The following DOC2A variants were observed in gnomAD, a reference collection of about 807,000 sequenced individuals.
DOC2A encodes double C2-like domain-containing protein alpha.
In DOC2A, 28 loss-of-function variants were observed where a neutral mutation model predicts 40.6. The ratio of observed to expected loss-of-function variants is 0.69; its 90% CI spans 0.51 to 0.95. The LOEUF (loss-of-function observed/expected upper bound fraction) is 0.95. Ranked by LOEUF, DOC2A falls within the 40% of genes least tolerant of loss-of-function variation. DOC2A has a pLI of 0.00. For missense variants in DOC2A, 474 were observed against 552.5 expected (o/e 0.86, Z 1.42); for synonymous variants, 241 against 236.9 (o/e 1.02, Z -0.16).
chr16:30,020,163 C>A (rs1216795888), intron 1 of DOC2A, among the ~76,000 whole-genome samples: 2 of 152,144 alleles, frequency 1.3e-5, no homozygotes, highest in Admixed American at 1.3e-4. Context: ...CTTGCCTCGG[C>A]CTCCCAAAGT....
chr16:30,009,402 A>G lies in DOC2A; in HGVS notation c.342+76T>C, dbSNP rs2070711990. 1 of 1,506,344 alleles carries G rather than the reference A, an allele frequency of 6.6e-7. No individual in the cohort carries two copies. Among genetic ancestry groups the G allele is most frequent in the Non-Finnish European group, 9.0e-7 (1 of 1,107,326 alleles). The allele number at this position is 1,506,344 out of a possible 1,614,324, so 93.3% of individuals were successfully genotyped here. A position where few individuals can be genotyped will look rare whatever the true frequency, so the allele number is the denominator to read the frequency against. ...GGCAGGACGAAGGAGCAGGCCTGGG[A>G]AGGGAAGGAGGAATGGGCCCCCTCT... is the stretch of plus-strand genomic sequence containing the variant. On this transcript the variant is annotated intron_variant, in intron 3 of 10. Transcript: ENST00000350119. This position sits in a 1 kb window ranked among gnomAD's most constrained non-coding sequence, Gnocchi z 4.1.
intron 5 of DOC2A, 179 bp downstream of exon 5, chr16:30,008,817 T>G: frequency 3.3e-6 from 2 of 605,980 alleles, no homozygotes; most frequent in East Asian, 2.9e-5. Context: ...GCAGGAGATA[T>G]TGAGGGGCAG....
upstream of DOC2A, chr16:30,014,898 C>G (rs1262367167): frequency 6.6e-6 from 1 of 151,968 alleles, no homozygotes; most frequent in Non-Finnish European, 1.5e-5. Flanking sequence ...CCACTGCACT[C>G]CAGCCTGGGC....
upstream of DOC2A, among the ~76,000 whole-genome samples, chr16:30,016,054 T>TATATA (rs2070853598): frequency 1.1e-4 from 2 of 18,872 alleles, no homozygotes; most frequent in African/African-American, 3.2e-4. Flanking sequence ...TATATATATA[T>TATATA]ATTTTTTTTT....
In DOC2A at chr16:30,010,192, T is replaced by C; in HGVS notation, c.31A>G (p.Ile11Val). Residue 11 changes from isoleucine to valine, a missense_variant, in exon 2 of 11, where the codon ATC becomes GTC. Ile to Val is a conservative substitution (Grantham distance 29). Coordinates refer to ENST00000350119, the MANE Select transcript of DOC2A (RefSeq NM_003586.3). This position sits in a 1 kb window ranked among gnomAD's most constrained non-coding sequence, Gnocchi z 4.2. The part of the protein sequence containing the change: MRGRRGDRMT[I>V]NIQEHMAINV... ...ATGGCCATGTGCTCCTGGATGTTGA[T>C]GGTCATGCGATCGCCCCTGCGGCCC... 6 of 1,614,006 alleles carry C rather than the reference T, an allele frequency of 3.7e-6. No individual in the cohort carries two copies. Among genetic ancestry groups the C allele is most frequent in the South Asian group, 3.3e-5 (3 of 91,092 alleles).
upstream of DOC2A, chr16:30,013,622 A>AAAAAATAAAAAAAAAAAAAT (rs1555470577): frequency 8.4e-4 from 119 of 141,342 alleles, no homozygotes; most frequent in Non-Finnish European, 1.2e-3. Flanking sequence ...AAAAAAAAAA[A>AAAAAATAAAAAAAAAAAAAT]AAAAATCCTT....
upstream of DOC2A, among the ~76,000 whole-genome samples, chr16:30,016,055 ATTTTTTTT>A (rs59271933): frequency 5.9e-4 from 10 of 16,888 alleles, no homozygotes; most frequent in Middle Eastern, 0.036. Context: ...ATATATATAT[ATTTTTTTT>A]TTTTTTTTTT....
At chr16:30,011,287 C>A (rs1472432050), upstream of DOC2A, 8 of 975,986 alleles carry the variant, frequency 8.2e-6, no homozygotes, top group Non-Finnish European at 9.7e-6. Flanking sequence ...CGTGTGCACG[C>A]TCACACCCTT....
chr16:30,006,218 G>A lies in DOC2A; in HGVS notation c.1171C>T (p.Pro391Ser), dbSNP rs1332287408. 6.3e-7 allele frequency: 1 copy of A among 1,589,332 alleles called. No homozygotes were observed. Among genetic ancestry groups the A allele is most frequent in the African/African-American group, 1.3e-5 (1 of 74,698 alleles). ...GAGGACAGAGCCCCGGCCGCAGGGG[G>A]CAGCTCACTGGTCAGGGTGTGCCAG... is the stretch of plus-strand genomic sequence containing the variant. ...ERWHTLTSELPPAAGALSSA is the reference protein window; with the variant it reads ...ERWHTLTSELSPAAGALSSA The change falls in exon 11 of 11, where the codon CCC (proline) becomes TCC (serine). Residue 391 changes from proline (P) to serine (S), a missense_variant. Transcript: ENST00000350119. The surrounding 1 kb of genome is among the most constrained non-coding windows in gnomAD (Gnocchi z 6.2).
In DOC2A at chr16:30,009,648, C is replaced by T. The variant is rs2070720172; in HGVS notation, c.263-91G>A. 2.5e-6 allele frequency: 3 copies of T among 1,208,366 alleles called. No homozygotes were observed. In the Admixed American group the frequency reaches 5.9e-5, roughly 24 times the overall value. 74.9% of individuals were successfully genotyped at this position (1,208,366 alleles called of 1,614,324 possible). ...GGGCACTGGCTCTGTGTGTCTCTCT[C>T]TCTTGCCAGCCCGCGAGTGTGAGTG... On this transcript the variant is annotated intron_variant, in intron 2 of 10. Coordinates refer to ENST00000350119, the MANE Select transcript of DOC2A (RefSeq NM_003586.3). The surrounding 1 kb of genome is among the most constrained non-coding windows in gnomAD (Gnocchi z 4.1).
upstream of DOC2A, among the ~76,000 whole-genome samples, chr16:30,012,031 A>C (rs1422259342): frequency 2.7e-5 from 4 of 150,920 alleles, no homozygotes; most frequent in African/African-American, 9.8e-5. Context: ...GTGTCAGTCC[A>C]CCCCTGGCCT....
rs567003263 is a variant in DOC2A at position 30,008,510 on chromosome 16, C to G, written c.527+486G>C. Reference sequence around the variant, plus strand: ...TCCTCTGTTTGAGGGGCAGAAGATACTTTTGTTTTGTTTTTGAGATGGAGT... The same window carrying G: ...TCCTCTGTTTGAGGGGCAGAAGATAGTTTTGTTTTGTTTTTGAGATGGAGT... On this transcript the variant is annotated intron_variant, in intron 5 of 10. Transcript: ENST00000350119. 2.8e-5 allele frequency: 5 copies of G among 175,758 alleles called. No individual in the cohort carries two copies. The East Asian group carries it at 7.3e-4, about 26-fold the overall frequency. 10.9% of individuals were successfully genotyped at this position (175,758 alleles called of 1,614,324 possible).
At chr16:30,020,720 G>C (rs1449231634) in intron 1 of DOC2A, among the ~76,000 whole-genome samples, 2 of 152,124 alleles carry the variant, frequency 1.3e-5, no homozygotes, top group South Asian at 2.1e-4. Context: ...GGTGGCATAT[G>C]CTTTTGATCC....
chr16:30,019,970 G>A (rs1340414737), intron 1 of DOC2A, among the ~76,000 whole-genome samples: 1 of 151,936 alleles, frequency 6.6e-6, no homozygotes, highest in Non-Finnish European at 1.5e-5. Flanking sequence ...GTGCAGTGGC[G>A]CAATTTAGGC....
chr16:30,011,144 G>A, upstream of DOC2A: 3 of 704,362 alleles, frequency 4.3e-6, no homozygotes, highest in Non-Finnish European at 3.5e-6. Context: ...CCCGGGGCCC[G>A]CTCGGGAGCG....
chr16:30,010,144 G>T lies in DOC2A; in HGVS notation c.79C>A (p.Arg27=). ...TAGTCAGAGATCTGGCGGATGGGCCGGATGGGCCCGGGGCACACGTTGATG... is the reference window on the plus strand; with the variant it reads ...TAGTCAGAGATCTGGCGGATGGGCCTGATGGGCCCGGGGCACACGTTGATG... The part of the protein sequence containing the change: ...MAINVCPGPI[R]PIRQISDYFP... Residue 27 remains arginine (R), a synonymous_variant, in exon 2 of 11, where the codon CGG becomes AGG. Coordinates refer to ENST00000350119, the MANE Select transcript of DOC2A (RefSeq NM_003586.3). The surrounding 1 kb of genome is among the most constrained non-coding windows in gnomAD (Gnocchi z 4.2). 1 of 1,613,886 alleles carries T rather than the reference G, an allele frequency of 6.2e-7. No homozygotes were observed. Among genetic ancestry groups the T allele is most frequent in the Non-Finnish European group, 8.5e-7 (1 of 1,179,904 alleles).
rs1455224529 is a variant in DOC2A, at chr16:30,005,674, G to A, written c.*512C>T. 86 of 559,474 alleles carry A rather than the reference G, an allele frequency of 1.5e-4. No individual in the cohort carries two copies. In the East Asian group the frequency reaches 2.7e-3, roughly 17 times the overall value. The allele number at this position is 559,474 out of a possible 1,614,324, so 34.7% of individuals were successfully genotyped here. On this transcript the variant is annotated 3_prime_UTR_variant, in exon 11 of 11. Transcript: ENST00000350119. The stretch of plus-strand genomic sequence containing the variant: ...GACAGTTATTTAAACGAGTGGCCGG[G>A]AGCATCTGCCACCTGCTGGGGAGGC...
chr16:30,009,246 C>G lies in DOC2A; in HGVS notation c.373G>C (p.Ala125Pro). The G allele has an allele frequency of 1.3e-6, 2 of 1,568,478 alleles. No individual in the cohort carries two copies. The highest frequency in any genetic ancestry group is 8.7e-7 in the Non-Finnish European group (1 of 1,155,728). Residue 125 changes from alanine to proline, a missense_variant, in exon 4 of 11, where the codon GCC becomes CCC. Physicochemically the swap from Ala to Pro is conservative, Grantham distance 27. Transcript: ENST00000350119. The surrounding 1 kb of genome is among the most constrained non-coding windows in gnomAD (Gnocchi z 4.1). ...AAGTGCAGCTTGACGTAGGGGTCGGCGAGGCCATTGAAATCCATGGGCTTG... is the reference window on the plus strand; with the variant it reads ...AAGTGCAGCTTGACGTAGGGGTCGGGGAGGCCATTGAAATCCATGGGCTTG... The part of the protein sequence containing the change: ...GLKPMDFNGL[A>P]DPYVKLHLLP...
rs779529166 is a variant in DOC2A, at chr16:30,006,298, T to G, written c.1091A>C (p.Glu364Ala). Residue 364 changes from glutamate to alanine, a missense_variant, in exon 11 of 11, where the codon GAG (glutamate) becomes GCG (alanine). Glu to Ala is a moderately radical substitution (Grantham distance 107). Transcript: ENST00000350119. This position sits in a 1 kb window ranked among gnomAD's most constrained non-coding sequence, Gnocchi z 6.2. The part of the protein sequence containing the change: ...GVSLGPGARG[E>A]ARKHWSDCLQ... ...GCAGTCACTCCAGTGCTTCCGAGCC[T>G]CGCCTCGGGCACCTGGCCCCAGGGA... is the stretch of plus-strand genomic sequence containing the variant. 5 of 1,610,914 alleles carry G rather than the reference T, an allele frequency of 3.1e-6. No homozygotes were observed. In the East Asian group the frequency reaches 1.1e-4, roughly 36 times the overall value.
Sources: allele counts gnomAD v4.1 joint callset (sites outside exome capture counted in the v4.1 genomes callset), GRCh38; gene constraint gnomAD v4.1.1; non-coding constraint Gnocchi (gnomAD v3.1); transcripts MANE v1.5; gene names NCBI Gene and HGNC (gene_info 2026-07-23, HGNC 2026-07-21).